SH3BP5: variants seen among roughly 807,000 people sequenced by gnomAD.
The protein encoded by SH3BP5 is SH3 domain-binding protein 5.
Under a neutral mutation model 43.3 loss-of-function variants are expected in SH3BP5, and 22 were observed. The ratio of observed to expected loss-of-function variants is 0.51; its 90% CI spans 0.36 to 0.73. The LOEUF (loss-of-function observed/expected upper bound fraction) is 0.73. Ranked by LOEUF, SH3BP5 falls within the 30% of genes least tolerant of loss-of-function variation. SH3BP5 has a pLI of 0.00. For synonymous variants in SH3BP5, 255 were observed against 225.8 expected (o/e 1.13, Z -1.16); for missense variants, 529 against 586.9 (o/e 0.90, Z 1.02).
chr3:15,283,227 GTC>G, intron 3 of SH3BP5, among the ~76,000 whole-genome samples: 1 of 152,108 alleles, frequency 6.6e-6, no homozygotes, highest in East Asian at 1.9e-4. Context: ...GCAAAACCCC[GTC>G]TCTACTAAAA....
chr3:15,266,840 G>T (rs1281469279), intron 4 of SH3BP5, among the ~76,000 whole-genome samples: 1 of 152,246 alleles, frequency 6.6e-6, no homozygotes, highest in Non-Finnish European at 1.5e-5. Context: ...GGCTCCAAGT[G>T]TGGCTGCCTG....
intron 1 of SH3BP5, 175 bp from the exon 2 acceptor site, chr3:15,330,741 G>A: frequency 1.0e-6 from 1 of 985,236 alleles, no homozygotes. Flanking sequence ...AATGAATGTC[G>A]GCATTTCTGA....
chr3:15,318,561 T>A (rs1698241206), intron 2 of SH3BP5, among the ~76,000 whole-genome samples: 1 of 65,996 alleles, frequency 1.5e-5, no homozygotes, highest in African/African-American at 4.4e-5. Flanking sequence ...TTTCCTATGT[T>A]TTTGTTTTTG....
rs578248461 is a variant in SH3BP5 at position 15,301,817 on chromosome 3, C to T, written c.330+2286G>A. ...GAGGACCAGCCTTGAGAAACCCCAA[C>T]ACAAAGCCCCCTAGAGCCATCTCTG... On this transcript the variant is annotated intron_variant, in intron 3 of 8. Coordinates refer to ENST00000383791, the MANE Select transcript of SH3BP5 (RefSeq NM_004844.5). Among the ~76,000 whole-genome samples, 87 of 152,156 alleles carry T rather than the reference C, an allele frequency of 5.7e-4. 2 individuals are homozygous for T. The highest frequency in any genetic ancestry group is 1.1e-3 in the Non-Finnish European group (78 of 67,990).
chr3:15,289,440 C>T (rs747908808), intron 3 of SH3BP5, among the ~76,000 whole-genome samples: 23 of 152,126 alleles, frequency 1.5e-4, no homozygotes, highest in African/African-American at 4.3e-4. Flanking sequence ...CACAAGGTGA[C>T]GTGGAAGATT....
chr3:15,311,347 G>A (rs1410477719), intron 2 of SH3BP5, among the ~76,000 whole-genome samples: 1 of 152,118 alleles, frequency 6.6e-6, no homozygotes, highest in Admixed American at 6.5e-5. Flanking sequence ...CACATCACCT[G>A]AGGTCAGGAG....
In SH3BP5 at chr3:15,256,222, C is replaced by G. The variant is rs774967701; in HGVS notation, c.1232G>C (p.Gly411Ala). 1.2e-6 allele frequency: 2 copies of G among 1,613,944 alleles called. No individual in the cohort carries two copies. The highest frequency in any genetic ancestry group is 1.7e-6 in the Non-Finnish European group (2 of 1,180,008). ...GCTGCTTTGGCTCTTACTGCTGCCA[C>G]CACTGCCACTGCTACTGCTGAGGCC... ...NRGLSSSSGS[G>A]GSSKSQSSTS... Residue 411 changes from glycine to alanine, a missense_variant, in exon 9 of 9, where the codon GGT becomes GCT. Transcript: ENST00000383791.
chr3:15,298,130 T>C (rs948301789), intron 3 of SH3BP5, among the ~76,000 whole-genome samples: 1 of 151,990 alleles, frequency 6.6e-6, no homozygotes, highest in African/African-American at 2.4e-5. Flanking sequence ...GCATGCACCA[T>C]CATGCCTGGC....
chr3:15,321,219 A>G (rs1698317011), intron 2 of SH3BP5, among the ~76,000 whole-genome samples: 1 of 152,216 alleles, frequency 6.6e-6, no homozygotes, highest in South Asian at 2.1e-4. Context: ...ATATCTAAAT[A>G]TTCTTAATAT....
In SH3BP5 at chr3:15,258,829, A is replaced by G; in HGVS notation, c.889+2T>C. On this transcript the variant is annotated splice_donor_variant, in intron 7 of 8. Coordinates refer to ENST00000383791, the MANE Select transcript of SH3BP5 (RefSeq NM_004844.5). LOFTEE classifies it high-confidence loss of function. ...ACATACCCAGTGGAGCCCCTGACTT[A>G]CCAGAAATGGCATCAGGCTCAGGTT... The G allele has an allele frequency of 6.2e-7, 1 of 1,612,480 alleles. No homozygotes were observed. The highest frequency in any genetic ancestry group is 8.5e-7 in the Non-Finnish European group (1 of 1,178,934).
chr3:15,293,126 C>A (rs754757927), intron 3 of SH3BP5, among the ~76,000 whole-genome samples: 21 of 152,236 alleles, frequency 1.4e-4, no homozygotes, highest in Non-Finnish European at 2.4e-4. Context: ...ATCTTTCAGG[C>A]GAAGGAGAGT....
intron 4 of SH3BP5, among the ~76,000 whole-genome samples, chr3:15,268,431 T>C (rs1696703695): frequency 6.6e-6 from 1 of 152,072 alleles, no homozygotes; most frequent in South Asian, 2.1e-4. Context: ...GTCCAGGGTC[T>C]TATTGGAGCT....
rs1213083402 is a variant in SH3BP5 at position 15,255,836 on chromosome 3, A to C, written c.*250T>G. The stretch of plus-strand genomic sequence containing the variant: ...TAGTTATTGCTTCCACAATGCCGTT[A>C]TACGGAATGTTCCACAAAGGCTGTG... On this transcript the variant is annotated 3_prime_UTR_variant, in exon 9 of 9. Coordinates refer to ENST00000383791, the MANE Select transcript of SH3BP5 (RefSeq NM_004844.5). 2.3e-6 allele frequency: 1 copy of C among 441,840 alleles called. No homozygotes were observed. Among genetic ancestry groups the C allele is most frequent in the African/African-American group, 2.0e-5 (1 of 50,680 alleles). 27.4% of individuals were successfully genotyped at this position (441,840 alleles called of 1,614,324 possible).
rs542484298 is a variant in SH3BP5, at chr3:15,290,819, C to G, written c.330+13284G>C. On this transcript the variant is annotated intron_variant, in intron 3 of 8. Coordinates refer to ENST00000383791, the MANE Select transcript of SH3BP5 (RefSeq NM_004844.5). ...TCCATCCTCCATGAGAAGGTAAACTCCCCCCATGCCCATGAAAGTTTTAAA... is the reference window on the plus strand; with the variant it reads ...TCCATCCTCCATGAGAAGGTAAACTGCCCCCATGCCCATGAAAGTTTTAAA... 4.6e-5 allele frequency among the ~76,000 whole-genome samples: 7 copies of G among 152,266 alleles called. No homozygotes were observed. The South Asian group carries it at 1.5e-3, about 32-fold the overall frequency.
chr3:15,276,376 GC>G (rs771465764), intron 3 of SH3BP5, among the ~76,000 whole-genome samples: 71 of 152,114 alleles, frequency 4.7e-4, no homozygotes, highest in Non-Finnish European at 8.4e-4. Context: ...CTGTTTAGTG[GC>G]CCCCCAGAGC....
intron 7 of SH3BP5, chr3:15,257,362 A>G (rs1194644253): frequency 4.4e-6 from 2 of 453,066 alleles, no homozygotes; most frequent in Admixed American, 7.4e-5. Flanking sequence ...AACCCTGCCA[A>G]GAAATCAGTG....
chr3:15,282,665 C>A, intron 3 of SH3BP5, among the ~76,000 whole-genome samples: 1 of 150,486 alleles, frequency 6.6e-6, no homozygotes, highest in Non-Finnish European at 1.5e-5. Flanking sequence ...TGAAAAAGGC[C>A]TGGATACTAG....
intron 5 of SH3BP5, among the ~76,000 whole-genome samples, chr3:15,261,310 G>T (rs1403962301): frequency 6.6e-6 from 1 of 152,210 alleles, no homozygotes; most frequent in Non-Finnish European, 1.5e-5. Context: ...CTAAAGAAAA[G>T]TCAAGCCTGG....
Position 15,269,856 on chromosome 3 carries a change from C to T in SH3BP5, c.352G>A (p.Ala118Thr), listed in dbSNP as rs1696750587. 2 of 1,560,240 alleles carry T rather than the reference C, an allele frequency of 1.3e-6. No homozygotes were observed. The highest frequency in any genetic ancestry group is 2.3e-5 in the East Asian group (1 of 43,264). The change falls in exon 4 of 9, where the codon GCC becomes ACC. Residue 118 changes from alanine to threonine, a missense_variant. Ala to Thr is a moderately conservative substitution (Grantham distance 58). Coordinates refer to ENST00000383791, the MANE Select transcript of SH3BP5 (RefSeq NM_004844.5). Reference sequence around the variant, plus strand: ...GTGGCCCTCTGGAAGTCCTGCGTGGCTTTCTGAGCTTCCAGCTGAGCCTGT... The same window carrying T: ...GTGGCCCTCTGGAAGTCCTGCGTGGTTTTCTGAGCTTCCAGCTGAGCCTGT... ...ARQAQLEAQK[A>T]TQDFQRATEV...
Sources: allele counts gnomAD v4.1 joint callset (sites outside exome capture counted in the v4.1 genomes callset), GRCh38; gene constraint gnomAD v4.1.1; transcripts MANE v1.5; gene names NCBI Gene and HGNC (gene_info 2026-07-23, HGNC 2026-07-21).